The following PTK2B variants were observed in gnomAD, a reference collection of about 807,000 sequenced individuals.
PTK2B encodes the protein protein tyrosine kinase 2 beta, also known as protein-tyrosine kinase 2-beta.
Under a neutral mutation model 142.9 loss-of-function variants are expected in PTK2B, and 71 were observed. The observed-to-expected ratio is 0.50, with a 90% CI of 0.41 to 0.61. The LOEUF (loss-of-function observed/expected upper bound fraction) is 0.61, where lower values mean the gene tolerates loss of function less well. PTK2B is among the 20% of genes least tolerant of loss of function. The probability of loss-of-function intolerance (pLI) is 0.00; values close to 1 mark genes in which losing one functional copy is unlikely to be tolerated. For synonymous variants in PTK2B, 519 were observed against 503.4 expected (o/e 1.03, Z -0.42); for missense variants, 1,105 against 1,320.4 (o/e 0.84, Z 2.53).
intron 26 of PTK2B, 53 bp from the exon 27 acceptor site, chr8:27,451,432 T>G: frequency 6.2e-7 from 1 of 1,610,828 alleles, no homozygotes; most frequent in Non-Finnish European, 8.5e-7. Flanking sequence ...GGGAGGGGGT[T>G]GTCTCCACAG....
Position 27,419,932 on chromosome 8 carries a change from G to T in PTK2B, c.242G>T (p.Gly81Val). 6.2e-7 allele frequency: 1 copy of T among 1,614,206 alleles called. No homozygotes were observed. Among genetic ancestry groups the T allele is most frequent in the Non-Finnish European group, 8.5e-7 (1 of 1,180,038 alleles). Residue 81 changes from glycine (G) to valine (V), a missense_variant, in exon 3 of 31, where the codon GGG (glycine) becomes GTG (valine). Physicochemically the swap from Gly to Val is moderately radical, Grantham distance 109. Transcript: ENST00000346049. ...ITSILLSGRI[G>V]PNIRLAECYG... ...TCCATCCTGCTGAGCGGGCGGATCG[G>T]GCCCAACATCCGGTTGGCTGAGTGC...
At chr8:27,420,993 A>G (rs953155460) in intron 4 of PTK2B, among the ~76,000 whole-genome samples, 1 of 152,220 alleles carries the variant, frequency 6.6e-6, no homozygotes, top group Non-Finnish European at 1.5e-5. Context: ...CTGGTGGCCC[A>G]GGAGACCTGG....
chr8:27,334,230 C>A lies in PTK2B; in HGVS notation c.-38+8549C>A, dbSNP rs192509388. 2.8e-3 allele frequency among the ~76,000 whole-genome samples: 423 copies of A among 152,252 alleles called. 1 individual carries two copies. Among genetic ancestry groups the A allele is most frequent in the Non-Finnish European group, 4.2e-3 (289 of 68,020 alleles). ...CAAGAGCTTCGTCCTATCTCTGGTT[C>A]CCTTGGAAGCTCCCCAATGCCTGCA... On this transcript the variant is annotated intron_variant, in intron 1 of 30. Coordinates refer to ENST00000346049, the MANE Select transcript of PTK2B (RefSeq NM_173176.3).
chr8:27,336,612 T>A (rs971562857), intron 1 of PTK2B, among the ~76,000 whole-genome samples: 1 of 152,258 alleles, frequency 6.6e-6, no homozygotes, highest in African/African-American at 2.4e-5. Context: ...GCGATACATT[T>A]TCAATCACAT....
At chr8:27,334,722 A>T (rs1034548575) in intron 1 of PTK2B, among the ~76,000 whole-genome samples, 2 of 152,146 alleles carry the variant, frequency 1.3e-5, no homozygotes, top group East Asian at 1.9e-4. Context: ...GGAGTGAGCC[A>T]GACAGCGCTT....
At chr8:27,435,920 A>G in intron 14 of PTK2B, 127 bp downstream of exon 14, 1 of 1,242,998 alleles carries the variant, frequency 8.0e-7, no homozygotes, top group Non-Finnish European at 1.2e-6. Context: ...AGACTTAGAC[A>G]GTGGCAAACC....
chr8:27,402,037 T>G (rs1808416340), intron 2 of PTK2B, among the ~76,000 whole-genome samples: 1 of 152,186 alleles, frequency 6.6e-6, no homozygotes, highest in Non-Finnish European at 1.5e-5. Context: ...AAACTATTAT[T>G]ATTTCCACTT....
At chr8:27,436,459 C>G in intron 15 of PTK2B, 111 bp downstream of exon 15, 1 of 946,846 alleles carries the variant, frequency 1.1e-6, no homozygotes, top group Non-Finnish European at 1.7e-6. Context: ...CTTGGGGCCC[C>G]TTGTCCCTAA....
upstream of PTK2B, chr8:27,322,266 C>T (rs1251837706): frequency 6.6e-6 from 1 of 151,984 alleles, no homozygotes; most frequent in East Asian, 1.9e-4. Context: ...ATTTAAATTC[C>T]ATCATTTACA....
intron 3 of PTK2B, among the ~76,000 whole-genome samples, chr8:27,316,209 A>G (rs1490241890): frequency 3.3e-5 from 5 of 152,148 alleles, no homozygotes; most frequent in African/African-American, 1.2e-4. Context: ...TGCCATCACC[A>G]TGTAAATTTG....
intron 1 of PTK2B, among the ~76,000 whole-genome samples, chr8:27,364,736 A>G (rs1455753454): frequency 6.6e-6 from 1 of 152,218 alleles, no homozygotes; most frequent in Non-Finnish European, 1.5e-5. Flanking sequence ...CTGACGTCCA[A>G]TTGACGGGAG....
In PTK2B at chr8:27,437,516, G is replaced by A. The variant is rs544046081; in HGVS notation, c.1527+20G>A. ...GGGGAGGTGAGCTGGAGGACCCTGCGATGACAACTGGGCTGCAGCATGGGG... is the reference window on the plus strand; with the variant it reads ...GGGGAGGTGAGCTGGAGGACCCTGCAATGACAACTGGGCTGCAGCATGGGG... On this transcript the variant is annotated intron_variant, in intron 17 of 30. Transcript: ENST00000346049. The A allele has an allele frequency of 5.0e-4, 790 of 1,564,540 alleles. 9 individuals are homozygous for A. The South Asian group carries it at 8.6e-3, about 17-fold the overall frequency.
Position 27,426,009 on chromosome 8 carries a change from A to C in PTK2B, c.551+3626A>C, listed in dbSNP as rs145177340. ...ACCTGCCCAGTTTGAGGAACCAAAT[A>C]ACTTCTCCCCCTTGATCTGAGACAC... On this transcript the variant is annotated intron_variant, in intron 5 of 30. Coordinates refer to ENST00000346049, the MANE Select transcript of PTK2B (RefSeq NM_173176.3). Among the ~76,000 whole-genome samples the C allele has an allele frequency of 1.0e-3, 156 of 152,284 alleles. 1 individual carries two copies. Among genetic ancestry groups the C allele is most frequent in the African/African-American group, 3.6e-3 (151 of 41,532 alleles).
intron 2 of PTK2B, among the ~76,000 whole-genome samples, chr8:27,405,035 CCTCTCTCTCTCTCTCTCTCT>C (rs3076734): frequency 5.9e-5 from 7 of 119,400 alleles, no homozygotes; most frequent in Non-Finnish European, 5.2e-5. Flanking sequence ...TCTTTCTCTT[CCTCTCTCTCTCTCTCTCTCT>C]CTCTCTCTCT....
chr8:27,456,824 G>T (rs911674466), intron 30 of PTK2B, among the ~76,000 whole-genome samples: 1 of 152,200 alleles, frequency 6.6e-6, no homozygotes, highest in Non-Finnish European at 1.5e-5. Context: ...AAGTTGGAGT[G>T]GTCTGGATAG....
intron 3 of PTK2B, among the ~76,000 whole-genome samples, chr8:27,317,534 A>G (rs373585194): frequency 2.6e-5 from 4 of 152,128 alleles, no homozygotes; most frequent in Admixed American, 6.5e-5. Flanking sequence ...ATTTCCAAGT[A>G]TCTTATTTTT....
At chr8:27,397,150 C>A (rs772944405) in intron 1 of PTK2B, among the ~76,000 whole-genome samples, 5 of 152,192 alleles carry the variant, frequency 3.3e-5, no homozygotes, top group Non-Finnish European at 5.9e-5. Context: ...CTGCTATTTT[C>A]TACTGTCTCA....
At chr8:27,417,967 G>GGTT (rs1809504246) in intron 2 of PTK2B, among the ~76,000 whole-genome samples, 1 of 152,126 alleles carries the variant, frequency 6.6e-6, no homozygotes, top group African/African-American at 2.4e-5. Flanking sequence ...CAGGAGAAAT[G>GGTT]GGTAGAGAGG....
At chr8:27,370,999 G>A (rs553422892) in intron 1 of PTK2B, among the ~76,000 whole-genome samples, 48 of 152,132 alleles carry the variant, frequency 3.2e-4, no homozygotes, top group Middle Eastern at 3.4e-3. Flanking sequence ...GGGTTCAAAT[G>A]ATCCTTCCAC....
Sources: gnomAD v4.1 joint callset for allele counts (sites outside exome capture counted in the v4.1 genomes callset) on GRCh38, gnomAD v4.1.1 for gene constraint, MANE v1.5 for transcripts, NCBI Gene and HGNC (gene_info 2026-07-23, HGNC 2026-07-21) for gene names.